MCF2L: variants seen among roughly 807,000 people sequenced by gnomAD.
MCF2L encodes the protein guanine nucleotide exchange factor DBS.
In MCF2L, 97 loss-of-function variants were observed where a neutral mutation model predicts 153.4. That is an observed-to-expected ratio of 0.63 (90% CI 0.54 to 0.75). The LOEUF is 0.75. MCF2L is among the 30% of genes least tolerant of loss of function. The pLI is 0.00. For missense variants in MCF2L, 1,347 were observed against 1,495.2 expected (o/e 0.90, Z 1.64); for synonymous variants, 659 against 632.2 (o/e 1.04, Z -0.64).
At position 113,027,483 on chromosome 13, in the gene MCF2L, G is replaced by A. The variant is rs545523824; in HGVS notation, c.278+2725G>A. ...CTATGGTCAAAGCCCTGGACATGGCGGTGTCCTGGTAGCCCCAAATCACTG... is the reference window on the plus strand; with the variant it reads ...CTATGGTCAAAGCCCTGGACATGGCAGTGTCCTGGTAGCCCCAAATCACTG... On this transcript the variant is annotated intron_variant, in intron 3 of 29. Coordinates refer to ENST00000535094, the MANE Select transcript of MCF2L (RefSeq NM_001112732.3). The surrounding 1 kb of genome is among the most constrained non-coding windows in gnomAD (Gnocchi z 4.8). Among the ~76,000 whole-genome samples the A allele has an allele frequency of 9.2e-5, 14 of 152,332 alleles. No homozygotes were observed. The highest frequency in any genetic ancestry group is 2.1e-4 in the South Asian group (1 of 4,820).
At chr13:112,903,582 A>G (rs1389594738) in intron 2 of MCF2L, among the ~76,000 whole-genome samples, 1 of 151,958 alleles carries the variant, frequency 6.6e-6, no homozygotes, top group Non-Finnish European at 1.5e-5. Context: ...TTGCACTTGG[A>G]AACGCAGGCT....
rs550865697 is a variant in MCF2L, at chr13:113,031,964, A to G, written c.278+7206A>G. 1.8e-4 allele frequency among the ~76,000 whole-genome samples: 28 copies of G among 152,250 alleles called. No individual in the cohort carries two copies. Among genetic ancestry groups the G allele is most frequent in the African/African-American group, 5.3e-4 (22 of 41,560 alleles). ...CATGTGTATAACCACACACGTGCGC[A>G]CACACACACATGCAAGTGCATGCAT... is the stretch of plus-strand genomic sequence containing the variant. On this transcript the variant is annotated intron_variant, in intron 3 of 29. Transcript: ENST00000535094. The surrounding 1 kb of genome is among the most constrained non-coding windows in gnomAD (Gnocchi z 5.5).
At position 113,027,012 on chromosome 13, in the gene MCF2L, T is replaced by C. The variant is rs770638292; in HGVS notation, c.278+2254T>C. On this transcript the variant is annotated intron_variant, in intron 3 of 29. Transcript: ENST00000535094. The surrounding 1 kb of genome is among the most constrained non-coding windows in gnomAD (Gnocchi z 4.8). The stretch of plus-strand genomic sequence containing the variant: ...GCCTCACACCAGACAGTGTAGTTGC[T>C]GCTTCCATTTGGGGTATAGTGAACA... The C allele has an allele frequency of 9.0e-6, 7 of 778,746 alleles. No homozygotes were observed. The highest frequency in any genetic ancestry group is 1.7e-5 in the Non-Finnish European group (7 of 417,834). The allele number at this position is 778,746 out of a possible 1,614,324, so 48.2% of individuals were successfully genotyped here.
In MCF2L at chr13:113,045,318, G is replaced by T; in HGVS notation, c.326G>T (p.Arg109Leu). The change falls in exon 4 of 30, where the codon CGG (arginine) becomes CTG (leucine). Residue 109 changes from arginine (R) to leucine (L), a missense_variant. Arg to Leu is a moderately radical substitution (Grantham distance 102). Coordinates refer to ENST00000535094, the MANE Select transcript of MCF2L (RefSeq NM_001112732.3). This position sits in a 1 kb window ranked among gnomAD's most constrained non-coding sequence, Gnocchi z 4.2. Reference protein sequence around the residue: ...IGFILVIDRRRDKWTSVKASV... With the variant: ...IGFILVIDRRLDKWTSVKASV... Reference sequence around the variant, plus strand: ...TTCATCCTGGTGATAGACCGGCGACGGGACAAATGGACCTCCGTGAAGGCG... The same window carrying T: ...TTCATCCTGGTGATAGACCGGCGACTGGACAAATGGACCTCCGTGAAGGCG... The T allele has an allele frequency of 3.1e-6, 5 of 1,614,066 alleles. No homozygotes were observed. Among genetic ancestry groups the T allele is most frequent in the Non-Finnish European group, 4.2e-6 (5 of 1,180,028 alleles).
chr13:113,070,988 G>A lies in MCF2L; in HGVS notation c.996+815G>A, dbSNP rs1039025185. 5.9e-5 allele frequency among the ~76,000 whole-genome samples: 9 copies of A among 152,146 alleles called. No homozygotes were observed. The South Asian group carries it at 6.2e-4, about 11-fold the overall frequency. ...GGGTTATATAGTAGTTGCATGTTTC[G>A]TTTAAGAAAATGCCAAACGGTTCTC... On this transcript the variant is annotated intron_variant, in intron 9 of 29. Coordinates refer to ENST00000535094, the MANE Select transcript of MCF2L (RefSeq NM_001112732.3). This position sits in a 1 kb window ranked among gnomAD's most constrained non-coding sequence, Gnocchi z 5.6.
intron 2 of MCF2L, among the ~76,000 whole-genome samples, chr13:112,963,832 G>A (rs926774897): frequency 6.6e-6 from 1 of 152,222 alleles, no homozygotes; most frequent in Admixed American, 6.5e-5. Flanking sequence ...CCACAGCCAA[G>A]AGTGCTGGCC....
chr13:113,085,537 A>C (rs999752672), intron 20 of MCF2L, among the ~76,000 whole-genome samples: 1 of 152,172 alleles, frequency 6.6e-6, no homozygotes, highest in Non-Finnish European at 1.5e-5. Context: ...TGAGTTTGCC[A>C]TGTGGGTCCC....
Position 112,979,406 on chromosome 13 carries a change from C to T in MCF2L, c.79+9948C>T. On this transcript the variant is annotated intron_variant, in intron 1 of 29. Transcript: ENST00000535094. ...TTCCAGGCGTGCAGGGCAGTGGTGGCTCGGGCCAGGCTCTGGGAGGCCGGG... is the reference window on the plus strand; with the variant it reads ...TTCCAGGCGTGCAGGGCAGTGGTGGTTCGGGCCAGGCTCTGGGAGGCCGGG... The T allele has an allele frequency of 2.9e-6, 4 of 1,385,008 alleles. No individual in the cohort carries two copies. In the South Asian group the frequency reaches 4.7e-5, roughly 16 times the overall value. The allele number at this position is 1,385,008 out of a possible 1,614,324, so 85.8% of individuals were successfully genotyped here.
In MCF2L at chr13:113,070,378, A is replaced by G. The variant is rs925531715; in HGVS notation, c.996+205A>G. ...GCACGATTGATGACTGCGTCATTGT[A>G]TAGAAAGGTGATTGAAAATCAGCTC... On this transcript the variant is annotated intron_variant, in intron 9 of 29. Coordinates refer to ENST00000535094, the MANE Select transcript of MCF2L (RefSeq NM_001112732.3). The surrounding 1 kb of genome is among the most constrained non-coding windows in gnomAD (Gnocchi z 5.6). The G allele has an allele frequency of 1.1e-4, 45 of 407,202 alleles. No homozygotes were observed. The highest frequency in any genetic ancestry group is 1.6e-4 in the Non-Finnish European group (36 of 230,654). 25.2% of individuals were successfully genotyped at this position (407,202 alleles called of 1,614,324 possible). A position where few individuals can be genotyped will look rare whatever the true frequency, so the allele number is the denominator to read the frequency against.
chr13:113,022,595 C>T (rs1026283489), intron 2 of MCF2L, among the ~76,000 whole-genome samples: 43 of 152,374 alleles, frequency 2.8e-4, no homozygotes, highest in Middle Eastern at 3.4e-3. Context: ...AGGCTGCGGC[C>T]GTTTCCACAA....
At chr13:113,022,856 G>C (rs2993304) in intron 2 of MCF2L, among the ~76,000 whole-genome samples, 1 of 151,850 alleles carries the variant, frequency 6.6e-6, no homozygotes, top group African/African-American at 2.4e-5. Context: ...TCTTATCATT[G>C]GGATCTGAGG....
chr13:112,986,654 G>A (rs2140942061), intron 1 of MCF2L, among the ~76,000 whole-genome samples: 1 of 152,348 alleles, frequency 6.6e-6, no homozygotes, highest in African/African-American at 2.4e-5. Context: ...GTGACACTGG[G>A]GACCCCCTGA....
At chr13:113,004,349 C>G (rs2083555970) in intron 1 of MCF2L, among the ~76,000 whole-genome samples, 1 of 152,234 alleles carries the variant, frequency 6.6e-6, no homozygotes, top group South Asian at 2.1e-4. Context: ...CACCTCCCAC[C>G]TGCACAGCAT....
rs146670223 is a variant in MCF2L, at chr13:113,035,837, G to A, written c.279-9434G>A. On this transcript the variant is annotated intron_variant, in intron 3 of 29. Transcript: ENST00000535094. The surrounding 1 kb of genome is among the most constrained non-coding windows in gnomAD (Gnocchi z 4.4). ...CCCTGGATATGTCATTCACTTCTGC[G>A]TTCCTCAGTTTCTGCACGTTTAAAA... Among the ~76,000 whole-genome samples the A allele has an allele frequency of 1.7e-4, 26 of 152,286 alleles. No homozygotes were observed. In the East Asian group the frequency reaches 4.6e-3, roughly 27 times the overall value.
intron 1 of MCF2L, among the ~76,000 whole-genome samples, chr13:112,897,399 C>G (rs988516487): frequency 3.5e-4 from 53 of 152,296 alleles, no homozygotes; most frequent in South Asian, 8.3e-4. Flanking sequence ...AGGAAGCCCA[C>G]TCCTCCTCCC....
chr13:113,075,277 T>TG, intron 11 of MCF2L, 88 bp downstream of exon 11: 1 of 1,253,336 alleles, frequency 8.0e-7, no homozygotes, highest in South Asian at 1.5e-5. Flanking sequence ...ACCCTTGTCG[T>TG]GGGGAGGGCA....
intron 1 of MCF2L, among the ~76,000 whole-genome samples, chr13:112,973,645 C>T (rs541029798): frequency 6.6e-5 from 10 of 152,320 alleles, no homozygotes; most frequent in South Asian, 4.1e-4. Context: ...GAAGACGGCG[C>T]GAGCACGGCT....
chr13:113,044,471 G>C (rs4907577), intron 3 of MCF2L: 3 of 626,762 alleles, frequency 4.8e-6, no homozygotes, highest in Non-Finnish European at 5.4e-6. Context: ...TGATTTTCAT[G>C]TAAACCTAGG....
intron 2 of MCF2L, among the ~76,000 whole-genome samples, chr13:112,922,651 G>A (rs953039777): frequency 2.7e-4 from 41 of 152,274 alleles, no homozygotes; most frequent in African/African-American, 5.5e-4. Context: ...TGGGCTAAAC[G>A]GTGAAACCCT....
Sources: allele counts gnomAD v4.1 joint callset (sites outside exome capture counted in the v4.1 genomes callset), GRCh38; gene constraint gnomAD v4.1.1; non-coding constraint Gnocchi (gnomAD v3.1); transcripts MANE v1.5; gene names NCBI Gene and HGNC (gene_info 2026-07-23, HGNC 2026-07-21).